TOGARAM1: variants seen among roughly 807,000 people sequenced by gnomAD.
The protein encoded by TOGARAM1 is TOG array regulator of axonemal microtubules 1.
A neutral mutation model predicts 166.6 loss-of-function variants in TOGARAM1; 100 were observed. The observed-to-expected ratio is 0.60, with a 90% CI of 0.51 to 0.71. The LOEUF (loss-of-function observed/expected upper bound fraction) is 0.71, where lower values mean the gene tolerates loss of function less well. TOGARAM1 is among the 30% of genes least tolerant of loss of function. TOGARAM1 has a pLI of 0.00. For synonymous variants in TOGARAM1, 758 were observed against 763.8 expected, an observed-to-expected ratio of 0.99 and a Z score of 0.13; for missense variants, 2,029 against 2,102.7, an observed-to-expected ratio of 0.96 and a Z score of 0.69.
In TOGARAM1 at chr14:44,963,024, G is replaced by T. The variant is rs759034945; in HGVS notation, c.603G>T (p.Gln201His). 2 of 1,614,092 alleles carry T rather than the reference G, an allele frequency of 1.2e-6. No individual in the cohort carries two copies. The highest frequency in any genetic ancestry group is 1.3e-5 in the African/African-American group (1 of 74,936). ...ENPALRKDALQILHICLKRSP... is the reference protein window; with the variant it reads ...ENPALRKDALHILHICLKRSP... Reference sequence around the variant, plus strand: ...CAGCCCTGCGGAAAGATGCGCTGCAGATCCTTCATATATGTCTGAAACGTA... The same window carrying T: ...CAGCCCTGCGGAAAGATGCGCTGCATATCCTTCATATATGTCTGAAACGTA... Residue 201 changes from glutamine (Q) to histidine (H), a missense_variant, in exon 1 of 20, where the codon CAG (glutamine) becomes CAT (histidine). By Grantham distance (24) the Gln-to-His change is conservative. This residue lies in a region of TOGARAM1 where 1,453 missense variants were observed against 1,432.2 expected (regional missense o/e 1.01). Coordinates refer to ENST00000361462, the MANE Select transcript of TOGARAM1 (RefSeq NM_001308120.2).
Position 45,000,787 on chromosome 14 carries a change from C to T in TOGARAM1, c.2338+1290C>T, listed in dbSNP as rs945426659. ...TGAGGCAGGGTCTCACTCTGTGGCCCAGGCTGGAGTGCAATGGCTCACTGC... is the reference window on the plus strand; with the variant it reads ...TGAGGCAGGGTCTCACTCTGTGGCCTAGGCTGGAGTGCAATGGCTCACTGC... On this transcript the variant is annotated intron_variant, in intron 3 of 19. Coordinates refer to ENST00000361462, the MANE Select transcript of TOGARAM1 (RefSeq NM_001308120.2). 1.8e-4 allele frequency among the ~76,000 whole-genome samples: 27 copies of T among 152,080 alleles called. 1 individual carries two copies. The highest frequency in any genetic ancestry group is 6.3e-4 in the African/African-American group (26 of 41,402).
chr14:45,030,182 C>G (rs1263279010), intron 10 of TOGARAM1, among the ~76,000 whole-genome samples: 1 of 152,064 alleles, frequency 6.6e-6, no homozygotes, highest in Non-Finnish European at 1.5e-5. Context: ...AATTGATATT[C>G]TATACACCTC....
chr14:44,962,359 C>A lies in TOGARAM1; in HGVS notation c.-63C>A. The A allele has an allele frequency of 1.3e-6, 2 of 1,487,470 alleles. No individual in the cohort carries two copies. The highest frequency in any genetic ancestry group is 1.8e-6 in the Non-Finnish European group (2 of 1,124,550). 92.1% of individuals were successfully genotyped at this position (1,487,470 alleles called of 1,614,324 possible). A position where few individuals can be genotyped will look rare whatever the true frequency, so the allele number is the denominator to read the frequency against. On this transcript the variant is annotated 5_prime_UTR_variant, in exon 1 of 20. Transcript: ENST00000361462. ...CTTGGAGAGGATCTGGAAGTCTGGG[C>A]TCCATCGAGCCCTTTGGAGACGGCA...
chr14:45,045,676 TATATACAC>T (rs1233909956), intron 13 of TOGARAM1, among the ~76,000 whole-genome samples: 1 of 97,524 alleles, frequency 1.0e-5, no homozygotes, highest in Non-Finnish European at 1.8e-5. Context: ...TATGTGTATA[TATATACAC>T]ATATATACAC....
In TOGARAM1 at chr14:44,965,633, A is replaced by G. The variant is rs568124276; in HGVS notation, c.2046+1166A>G. Among the ~76,000 whole-genome samples the G allele has an allele frequency of 5.3e-5, 8 of 152,282 alleles. No homozygotes were observed. In the East Asian group the frequency reaches 1.4e-3, roughly 26 times the overall value. ...CACAGTACATTACATTATGAGGCAAATGATATCAGGCTGTCCCATCACTGG... is the reference window on the plus strand; with the variant it reads ...CACAGTACATTACATTATGAGGCAAGTGATATCAGGCTGTCCCATCACTGG... On this transcript the variant is annotated intron_variant, in intron 1 of 19. Transcript: ENST00000361462.
At chr14:45,067,200 AAAGT>A (rs1883176944) in intron 17 of TOGARAM1, among the ~76,000 whole-genome samples, 1 of 152,162 alleles carries the variant, frequency 6.6e-6, no homozygotes, top group Non-Finnish European at 1.5e-5. Flanking sequence ...TCACTGAAAC[AAAGT>A]AAGAGGATAG....
At chr14:44,976,709 A>G (rs1361466815) in intron 1 of TOGARAM1, among the ~76,000 whole-genome samples, 1 of 152,182 alleles carries the variant, frequency 6.6e-6, no homozygotes, top group Non-Finnish European at 1.5e-5. Context: ...ACCAGTCATC[A>G]TGTGTATAGT....
At chr14:45,055,500 T>G (rs563162740) in intron 16 of TOGARAM1, among the ~76,000 whole-genome samples, 4 of 152,134 alleles carry the variant, frequency 2.6e-5, no homozygotes, top group African/African-American at 9.6e-5. Flanking sequence ...GCATTGTTGG[T>G]TTTGCTTAAG....
intron 6 of TOGARAM1, 188 bp from the exon 7 acceptor site, chr14:45,011,787 G>A (rs929449466): frequency 9.6e-4 from 174 of 181,032 alleles, no homozygotes; most frequent in Middle Eastern, 1.8e-3. Flanking sequence ...AAATATATAT[G>A]TGTGTGTGTG....
intron 1 of TOGARAM1, among the ~76,000 whole-genome samples, chr14:44,983,913 G>A (rs1886659439): frequency 6.6e-6 from 1 of 152,166 alleles, no homozygotes; most frequent in African/African-American, 2.4e-5. Context: ...AGAATGAACT[G>A]TTGGCAACAG....
chr14:45,035,361 G>C (rs1461652892), intron 11 of TOGARAM1, among the ~76,000 whole-genome samples: 1 of 148,192 alleles, frequency 6.7e-6, no homozygotes, highest in Non-Finnish European at 1.5e-5. Context: ...TCTGTCTCAA[G>C]TAAAAAAAAA....
chr14:45,057,113 G>A (rs963352661), intron 16 of TOGARAM1, among the ~76,000 whole-genome samples: 3 of 152,082 alleles, frequency 2.0e-5, no homozygotes, highest in African/African-American at 7.2e-5. Context: ...GAGGTTGTAT[G>A]TTTCCAGGAA....
At chr14:45,030,483 A>C (rs1881094001) in intron 10 of TOGARAM1, among the ~76,000 whole-genome samples, 1 of 152,186 alleles carries the variant, frequency 6.6e-6, no homozygotes, top group African/African-American at 2.4e-5. Flanking sequence ...GAAGATAATA[A>C]ATGATAATAG....
At chr14:45,066,511 T>A (rs533140048) in intron 16 of TOGARAM1, 67 bp from the exon 17 acceptor site, 13 of 1,367,428 alleles carry the variant, frequency 9.5e-6, no homozygotes, top group Non-Finnish European at 1.2e-5. Context: ...ATTTTTAAAT[T>A]ATGTTTGTAT....
intron 16 of TOGARAM1, among the ~76,000 whole-genome samples, chr14:45,061,176 G>A (rs1181420920): frequency 6.6e-6 from 1 of 152,106 alleles, no homozygotes; most frequent in Non-Finnish European, 1.5e-5. Context: ...AAGACTAATG[G>A]ATTTCTATTT....
chr14:45,020,664 A>T (rs896566882), intron 7 of TOGARAM1, among the ~76,000 whole-genome samples: 2 of 152,240 alleles, frequency 1.3e-5, no homozygotes, highest in African/African-American at 4.8e-5. Flanking sequence ...CCATTCAAAC[A>T]GTGATAGGCT....
intron 7 of TOGARAM1, among the ~76,000 whole-genome samples, chr14:45,020,021 G>A (rs1437815049): frequency 6.6e-6 from 1 of 152,112 alleles, no homozygotes; most frequent in Non-Finnish European, 1.5e-5. Context: ...CTGCATCTGG[G>A]GCTCCATTTG....
intron 5 of TOGARAM1, chr14:45,008,281 T>C (rs1375653006): frequency 1.3e-5 from 2 of 150,278 alleles, no homozygotes; most frequent in African/African-American, 2.5e-5. Context: ...CTGTGTTGCC[T>C]AGACTGGAGT....
In TOGARAM1 at chr14:44,964,173, G is replaced by C. The variant is rs1401698503; in HGVS notation, c.1752G>C (p.Gln584His). The C allele has an allele frequency of 1.2e-6, 2 of 1,614,250 alleles. No homozygotes were observed. The highest frequency in any genetic ancestry group is 1.1e-5 in the South Asian group (1 of 91,088). Reference sequence around the variant, plus strand: ...AAACCTTACCAAGGCTCACAGAGCAGGGATTTGTGGAATATGCAGTACTGA... The same window carrying C: ...AAACCTTACCAAGGCTCACAGAGCACGGATTTGTGGAATATGCAGTACTGA... ...ARKTLPRLTE[Q>H]GFVEYAVLMP... The change falls in exon 1 of 20, where the codon CAG (glutamine) becomes CAC (histidine). Residue 584 changes from glutamine (Q) to histidine (H), a missense_variant. Coordinates refer to ENST00000361462, the MANE Select transcript of TOGARAM1 (RefSeq NM_001308120.2).
Sources: gnomAD v4.1 joint callset for allele counts (sites outside exome capture counted in the v4.1 genomes callset) on GRCh38, gnomAD v4.1.1 for gene constraint, gnomAD v4.1.1 regional missense constraint, MANE v1.5 for transcripts, NCBI Gene and HGNC (gene_info 2026-07-23, HGNC 2026-07-21) for gene names.